GART: variants seen among roughly 807,000 people sequenced by gnomAD.
GART encodes phosphoribosylglycinamide formyltransferase, phosphoribosylglycinamide synthetase, phosphoribosylaminoimidazole synthetase, also known as trifunctional purine biosynthetic protein adenosine-3.
In GART, 43 loss-of-function variants were observed where a neutral mutation model predicts 107.2. That is an observed-to-expected ratio of 0.40 (90% CI 0.31 to 0.52). The LOEUF is 0.52. Among genes scored for constraint, GART ranks in the 20% least tolerant of loss-of-function variants. The pLI is 0.52. For missense variants in GART, 1,107 were observed against 1,206.5 expected (o/e 0.92, Z 1.22); for synonymous variants, 434 against 427.0 (o/e 1.02, Z -0.20).
chr21:33,507,490 T>G (rs1402433279), intron 18 of GART, among the ~76,000 whole-genome samples: 3 of 152,106 alleles, frequency 2.0e-5, no homozygotes, highest in African/African-American at 7.2e-5. Flanking sequence ...CATAACAGGG[T>G]GACTATAGTC....
At position 33,508,412 on chromosome 21, in the gene GART, T is replaced by C. The variant is rs184058152; in HGVS notation, c.2452+1371A>G. On this transcript the variant is annotated intron_variant, in intron 18 of 21. Transcript: ENST00000381815. ...TGTATAATGGTGGGGACTGGGCTTC[T>C]AGTGTACCTATTACCTACATAGTGA... Among the ~76,000 whole-genome samples the C allele has an allele frequency of 4.7e-4, 71 of 152,158 alleles. 1 individual carries two copies. Among genetic ancestry groups the C allele is most frequent in the African/African-American group, 1.7e-3 (71 of 41,518 alleles).
intron 18 of GART, 85 bp from the exon 19 acceptor site, chr21:33,506,189 C>G (rs2084678702): frequency 1.1e-5 from 16 of 1,478,638 alleles, no homozygotes; most frequent in Non-Finnish European, 1.5e-5. Flanking sequence ...GTCGCCCAGG[C>G]TAGGAGTGCA....
At position 33,524,089 on chromosome 21, in the gene GART, C is replaced by T. The variant is rs149303766; in HGVS notation, c.1298+680G>A. On this transcript the variant is annotated intron_variant, in intron 11 of 21. Transcript: ENST00000381815. ...TGAATCAGTAAGAGGTCAAAAAATA[C>T]ATTTTAGTAATAGATACAAACGCAG... is the stretch of plus-strand genomic sequence containing the variant. 1.4e-3 allele frequency: 1,338 copies of T among 982,986 alleles called. 65 individuals carry two copies. The Admixed American group carries it at 0.077, about 56-fold the overall frequency. The allele number at this position is 982,986 out of a possible 1,614,324, so 60.9% of individuals were successfully genotyped here. A position where few individuals can be genotyped will look rare whatever the true frequency, so the allele number is the denominator to read the frequency against.
intron 13 of GART, 27 bp from the exon 14 acceptor site, chr21:33,520,589 C>T (rs2834232): frequency 0.22 from 350,934 of 1,584,494 alleles, 40,911 homozygotes; most frequent in Non-Finnish European, 0.24. Context: ...TAAACATCCA[C>T]ATTAGGGAAT....
At chr21:33,525,329 T>C (rs1420152822) in intron 10 of GART, among the ~76,000 whole-genome samples, 1 of 152,132 alleles carries the variant, frequency 6.6e-6, no homozygotes, top group East Asian at 1.9e-4. Context: ...TGAGGTGTGA[T>C]CGCACCACTG....
intron 11 of GART, among the ~76,000 whole-genome samples, 169 bp from the exon 12 acceptor site, chr21:33,522,451 G>C (rs2084990293): frequency 6.6e-6 from 1 of 152,098 alleles, no homozygotes; most frequent in African/African-American, 2.4e-5. Context: ...TGATTTAACT[G>C]GTCTAGGGCA....
At chr21:33,516,747 C>G (rs899249526) in intron 16 of GART, among the ~76,000 whole-genome samples, 1 of 152,102 alleles carries the variant, frequency 6.6e-6, no homozygotes, top group African/African-American at 2.4e-5. Flanking sequence ...CTTGGAGGAC[C>G]TACTTATCGA....
intron 17 of GART, among the ~76,000 whole-genome samples, chr21:33,510,990 G>T (rs910944133): frequency 6.6e-6 from 1 of 152,144 alleles, no homozygotes; most frequent in Non-Finnish European, 1.5e-5. Flanking sequence ...GAGCCATGAG[G>T]TCTTGTGTGT....
At position 33,517,569 on chromosome 21, in the gene GART, C is replaced by G. The variant is rs2084901511; in HGVS notation, c.1742G>C (p.Gly581Ala). 6.2e-7 allele frequency: 1 copy of G among 1,614,070 alleles called. No individual in the cohort carries two copies. Residue 581 changes from glycine to alanine, a missense_variant, in exon 15 of 22, where the codon GGA becomes GCA. Gly to Ala is a moderately conservative substitution (Grantham distance 60). Coordinates refer to ENST00000381815, the MANE Select transcript of GART (RefSeq NM_000819.5). ...GGCAAACCCAGCTAGGTCATACTCT[C>G]CAGGGGGATACATGTCAGGCATTTC... ...TAEMPDMYPP[G>A]EYDLAGFAVG...
At position 33,528,564 on chromosome 21, in the gene GART, T is replaced by TG; in HGVS notation, c.851dup (p.Val286SerfsTer5). On this transcript the variant is annotated frameshift_variant, in exon 9 of 22. Coordinates refer to ENST00000381815, the MANE Select transcript of GART (RefSeq NM_000819.5). LOFTEE classifies it high-confidence loss of function. ...AACGGCAATTAAACTCTAGAACTTT[T>TG]GGGCCATTCTTGGTCAGCATTATTC... The TG allele has an allele frequency of 6.2e-7, 1 of 1,607,540 alleles. No individual in the cohort carries two copies. Among genetic ancestry groups the TG allele is most frequent in the Non-Finnish European group, 8.5e-7 (1 of 1,178,532 alleles).
chr21:33,508,148 A>T (rs1312524226), intron 18 of GART, among the ~76,000 whole-genome samples: 1 of 152,002 alleles, frequency 6.6e-6, no homozygotes, highest in African/African-American at 2.4e-5. Context: ...AGGATATGTA[A>T]TTGCTCCTAG....
intron 11 of GART, among the ~76,000 whole-genome samples, chr21:33,523,225 A>T (rs2085004659): frequency 6.6e-6 from 1 of 152,202 alleles, no homozygotes; most frequent in Non-Finnish European, 1.5e-5. Flanking sequence ...AAGTGTCTTT[A>T]AAAAAAGCAT....
chr21:33,539,083 C>T, intron 2 of GART, 88 bp downstream of exon 2: 2 of 1,339,882 alleles, frequency 1.5e-6, no homozygotes, highest in South Asian at 1.4e-5. Flanking sequence ...CCCAGCCTAT[C>T]TTTATTAACA....
At chr21:33,518,459 C>T (rs540230434) in intron 14 of GART, among the ~76,000 whole-genome samples, 2 of 149,402 alleles carry the variant, frequency 1.3e-5, no homozygotes, top group Non-Finnish European at 3.0e-5. Context: ...GCCTGGGTCA[C>T]AGAGCAAGAC....
At chr21:33,517,706 G>T in intron 14 of GART, 98 bp from the exon 15 acceptor site, 1 of 1,181,658 alleles carries the variant, frequency 8.5e-7, no homozygotes, top group Non-Finnish European at 1.2e-6. Context: ...ACTAACACAT[G>T]GCTATGTCCT....
At chr21:33,504,645 G>A (rs2084648521) in intron 20 of GART, 118 bp from the exon 21 acceptor site, 1 of 707,370 alleles carries the variant, frequency 1.4e-6, no homozygotes, top group South Asian at 1.9e-5. Flanking sequence ...TGGGATGGAT[G>A]TTTTCTTTGC....
intron 18 of GART, among the ~76,000 whole-genome samples, chr21:33,507,657 C>T (rs145122988): frequency 2.0e-5 from 3 of 152,110 alleles, no homozygotes; most frequent in South Asian, 4.2e-4. Context: ...ATGATGAAAC[C>T]CCATCTCTAC....
chr21:33,521,116 T>A lies in GART; in HGVS notation c.1394-101A>T, dbSNP rs79787272. ...AAAAAAACCAGTATATTTAGCGGCC[T>A]GTGAGATGTACTTCTGGAAGAAATA... On this transcript the variant is annotated intron_variant, in intron 12 of 21. Transcript: ENST00000381815. 5,764 of 839,986 alleles carry A rather than the reference T, an allele frequency of 6.9e-3. 47 individuals are homozygous for A. Among genetic ancestry groups the A allele is most frequent in the Non-Finnish European group, 9.8e-3 (5,132 of 524,860 alleles). The allele number at this position is 839,986 out of a possible 1,614,324, so 52.0% of individuals were successfully genotyped here.
chr21:33,538,684 A>T (rs140303303), intron 2 of GART, among the ~76,000 whole-genome samples: 1 of 152,240 alleles, frequency 6.6e-6, no homozygotes. Flanking sequence ...CATATTCTGA[A>T]CAATAGGTTA....
Sources: gnomAD v4.1 joint callset for allele counts (sites outside exome capture counted in the v4.1 genomes callset) on GRCh38, gnomAD v4.1.1 for gene constraint, MANE v1.5 for transcripts, NCBI Gene and HGNC (gene_info 2026-07-23, HGNC 2026-07-21) for gene names.